Variants in ABTB3 observed in about 807,000 individuals in gnomAD.
ABTB3 encodes the protein ankyrin repeat- and BTB/POZ domain-containing protein 3.
At chr12:107,606,433 G>A in the ABTB3 span, among the ~76,000 whole-genome samples, 1 of 152,132 alleles carries the variant, frequency 6.6e-6, no homozygotes, top group Non-Finnish European at 1.5e-5. Flanking sequence ...TGATGTTCTT[G>A]CAATTATTCA....
At chr12:107,426,425 G>A in the ABTB3 span, among the ~76,000 whole-genome samples, 6 of 152,242 alleles carry the variant, frequency 3.9e-5, no homozygotes, top group African/African-American at 7.2e-5. Context: ...GTTCTAGCCC[G>A]AGGCCTGGAG....
At chr12:107,386,730 G>T in the ABTB3 span, among the ~76,000 whole-genome samples, 2 of 152,124 alleles carry the variant, frequency 1.3e-5, no homozygotes, top group African/African-American at 2.4e-5. Flanking sequence ...TCCCTGAGCG[G>T]CTGGCTGCTT....
the ABTB3 span, among the ~76,000 whole-genome samples, chr12:107,526,994 A>G: frequency 6.6e-6 from 1 of 151,960 alleles, no homozygotes; most frequent in Admixed American, 6.6e-5. Context: ...CCCCTACCAC[A>G]AGGCCTTTGC....
chr12:107,584,555 C>T, the ABTB3 span, among the ~76,000 whole-genome samples: 1 of 152,224 alleles, frequency 6.6e-6, no homozygotes, highest in Non-Finnish European at 1.5e-5. Flanking sequence ...TCTAAATAAA[C>T]AGCCCTAGAA....
chr12:107,321,692 T>G, the ABTB3 span, among the ~76,000 whole-genome samples: 2 of 152,134 alleles, frequency 1.3e-5, no homozygotes, highest in African/African-American at 4.8e-5. Flanking sequence ...TTGTATGTGC[T>G]TCTTCAGAAT....
chr12:107,580,737 A>G, the ABTB3 span: 1 of 1,296,820 alleles, frequency 7.7e-7, no homozygotes, highest in Non-Finnish European at 1.0e-6. Flanking sequence ...ACAATCAGGG[A>G]GCCCCAAATA....
At chr12:107,621,286 C>G in the ABTB3 span, among the ~76,000 whole-genome samples, 1 of 152,134 alleles carries the variant, frequency 6.6e-6, no homozygotes, top group Non-Finnish European at 1.5e-5. Context: ...TGCACCAGGC[C>G]TAGGGTAACA....
the ABTB3 span, among the ~76,000 whole-genome samples, chr12:107,589,609 C>A: frequency 1.3e-5 from 2 of 152,246 alleles, no homozygotes; most frequent in African/African-American, 4.8e-5. Flanking sequence ...GAAGGAGGAC[C>A]TGTGCAGATG....
chr12:107,517,698 G>T, the ABTB3 span, among the ~76,000 whole-genome samples: 2 of 152,236 alleles, frequency 1.3e-5, no homozygotes, highest in African/African-American at 2.4e-5. Flanking sequence ...TGGTGTATAG[G>T]AATAGGCAAG....
chr12:107,593,399 C>T, the ABTB3 span, among the ~76,000 whole-genome samples: 25 of 152,260 alleles, frequency 1.6e-4, no homozygotes, highest in East Asian at 4.8e-3. Context: ...GGGATTGGAA[C>T]ACTAGAAATT....
chr12:107,435,774 T>C, the ABTB3 span, among the ~76,000 whole-genome samples: 125 of 152,328 alleles, frequency 8.2e-4, no homozygotes, highest in Non-Finnish European at 4.3e-4. Context: ...TATTACTTCC[T>C]TGGGATGTAA....
the ABTB3 span, among the ~76,000 whole-genome samples, chr12:107,328,866 C>T: frequency 1.3e-5 from 2 of 152,148 alleles, no homozygotes; most frequent in South Asian, 2.1e-4. Context: ...GGGTAGAGGG[C>T]GGGGCTTGCC....
At chr12:107,492,151 A>G in the ABTB3 span, among the ~76,000 whole-genome samples, 1 of 152,178 alleles carries the variant, frequency 6.6e-6, no homozygotes, top group Non-Finnish European at 1.5e-5. Flanking sequence ...AGGAGACTTT[A>G]TAGAATGGTG....
At chr12:107,492,773 A>G in the ABTB3 span, among the ~76,000 whole-genome samples, 2 of 152,138 alleles carry the variant, frequency 1.3e-5, no homozygotes, top group Non-Finnish European at 2.9e-5. Flanking sequence ...TGTCTCAGTG[A>G]AAGCCAGCAT....
At chr12:107,529,012 GTGGTGATGATAATGGTGA>G in the ABTB3 span, among the ~76,000 whole-genome samples, 40 of 150,264 alleles carry the variant, frequency 2.7e-4, no homozygotes, top group East Asian at 1.8e-3. Flanking sequence ...TGAGATGATG[GTGGTGATGATAATGGTGA>G]TGGTGATGAT....
chr12:107,617,066 C>G, the ABTB3 span: 1 of 1,611,592 alleles, frequency 6.2e-7, no homozygotes, highest in Non-Finnish European at 8.5e-7. Context: ...CTCACCGTCT[C>G]AATGGCCGCT....
At chr12:107,422,493 T>C in the ABTB3 span, among the ~76,000 whole-genome samples, 7 of 152,212 alleles carry the variant, frequency 4.6e-5, no homozygotes, top group Non-Finnish European at 7.3e-5. Flanking sequence ...GCCAGTCTGC[T>C]AAGTGGAGAA....
At chr12:107,538,705 T>C in the ABTB3 span, among the ~76,000 whole-genome samples, 7 of 152,282 alleles carry the variant, frequency 4.6e-5, no homozygotes, top group East Asian at 9.7e-4. Flanking sequence ...TTTATGCAGG[T>C]TGACCATCAG....
the ABTB3 span, among the ~76,000 whole-genome samples, chr12:107,361,940 G>A: frequency 6.6e-6 from 1 of 152,146 alleles, no homozygotes; most frequent in South Asian, 2.1e-4. Flanking sequence ...ACCCCAGAAA[G>A]CTCACTTGCC....
Sources: allele counts gnomAD v4.1 joint callset (sites outside exome capture counted in the v4.1 genomes callset), GRCh38; gene constraint gnomAD v4.1.1; transcripts MANE v1.5; gene names NCBI Gene and HGNC (gene_info 2026-07-23, HGNC 2026-07-21).